Variants in C1orf185 observed in about 807,000 individuals in gnomAD.
C1orf185 encodes chromosome 1 open reading frame 185, also known as uncharacterized protein C1orf185.
Under a neutral mutation model 16.1 loss-of-function variants are expected in C1orf185, and 13 were observed. The observed-to-expected ratio is 0.81, with a 90% confidence interval of 0.53 to 1.28. C1orf185 has a LOEUF of 1.28. Ranked by LOEUF, C1orf185 falls within the 50% of genes most tolerant of loss-of-function variation. The pLI, the probability that C1orf185 is intolerant of heterozygous loss-of-function variation, is 0.00. For synonymous variants in C1orf185, 80 were observed against 76.9 expected (o/e 1.04, Z -0.21); for missense variants, 220 against 225.2 (o/e 0.98, Z 0.15).
chr1:51,139,974 G>A (rs1646353558), intron 3 of C1orf185, among the ~76,000 whole-genome samples: 1 of 152,174 alleles, frequency 6.6e-6, no homozygotes, highest in African/African-American at 2.4e-5. Context: ...GGCCCTTAAA[G>A]CTTCTATCTA....
chr1:51,121,237 T>C (rs1646195504), intron 3 of C1orf185, among the ~76,000 whole-genome samples: 1 of 152,126 alleles, frequency 6.6e-6, no homozygotes, highest in Non-Finnish European at 1.5e-5. Flanking sequence ...TTTTGTATCC[T>C]TTGACCAACA....
intron 1 of C1orf185, among the ~76,000 whole-genome samples, chr1:51,106,241 T>C (rs1646071258): frequency 2.6e-5 from 4 of 152,134 alleles, no homozygotes; most frequent in Admixed American, 2.6e-4. Flanking sequence ...TTTTCTAAGA[T>C]ATTCATGGTA....
downstream of C1orf185, among the ~76,000 whole-genome samples, chr1:51,150,782 G>T (rs1031640129): frequency 6.6e-6 from 1 of 152,132 alleles, no homozygotes; most frequent in Admixed American, 6.6e-5. Flanking sequence ...CATCATTTTT[G>T]ACATCCTTTT....
intron 3 of C1orf185, among the ~76,000 whole-genome samples, chr1:51,129,123 G>A (rs1441841359): frequency 1.3e-5 from 2 of 152,200 alleles, no homozygotes; most frequent in Non-Finnish European, 1.5e-5. Flanking sequence ...GACCTCAGGC[G>A]ATCCACCTGC....
intron 3 of C1orf185, among the ~76,000 whole-genome samples, chr1:51,127,742 G>C (rs1429975730): frequency 6.6e-6 from 1 of 152,132 alleles, no homozygotes; most frequent in East Asian, 1.9e-4. Flanking sequence ...CTATTGATAA[G>C]TGGTAGTCCA....
At chr1:51,116,958 C>T (rs1646162390) in intron 2 of C1orf185, among the ~76,000 whole-genome samples, 1 of 152,186 alleles carries the variant, frequency 6.6e-6, no homozygotes, top group Admixed American at 6.5e-5. Context: ...GGTTAATTCC[C>T]TTAGTTACAT....
Position 51,148,033 on chromosome 1 carries a change from CTT to C in C1orf185, c.*263_*264del, listed in dbSNP as rs887051559. 2.2e-5 allele frequency: 7 copies of C among 311,746 alleles called. No homozygotes were observed. Among genetic ancestry groups the C allele is most frequent in the African/African-American group, 1.5e-4 (7 of 46,818 alleles). The allele number at this position is 311,746 out of a possible 1,614,324, so 19.3% of individuals were successfully genotyped here. A position where few individuals can be genotyped will look rare whatever the true frequency, so the allele number is the denominator to read the frequency against. On this transcript the variant is annotated 3_prime_UTR_variant, in exon 5 of 5. Transcript: ENST00000371759. ...GTGATGTCATGAACATTAAGCTTAA[CTT>C]ATTGTATCTCATCCAAAGACATATT...
At chr1:51,133,521 A>G (rs1646300955) in intron 3 of C1orf185, among the ~76,000 whole-genome samples, 1 of 152,232 alleles carries the variant, frequency 6.6e-6, no homozygotes, top group Non-Finnish European at 1.5e-5. Context: ...CTAAATATCT[A>G]TGCACCCAAC....
At chr1:51,131,938 T>G (rs1646288627) in intron 3 of C1orf185, among the ~76,000 whole-genome samples, 1 of 152,058 alleles carries the variant, frequency 6.6e-6, no homozygotes, top group Non-Finnish European at 1.5e-5. Context: ...GAGAACAAAG[T>G]CAGGGCCCAG....
chr1:51,147,018 A>C (rs1456365281), intron 4 of C1orf185, among the ~76,000 whole-genome samples: 3 of 152,234 alleles, frequency 2.0e-5, no homozygotes, highest in Non-Finnish European at 4.4e-5. Context: ...TATATTACAA[A>C]TGTTTTTTGC....
chr1:51,126,354 C>T (rs1022895188), intron 3 of C1orf185, among the ~76,000 whole-genome samples: 8 of 152,102 alleles, frequency 5.3e-5, no homozygotes, highest in African/African-American at 1.9e-4. Context: ...ACCTTGAACT[C>T]CTGGACTCAA....
chr1:51,145,421 A>AT, intron 3 of C1orf185, among the ~76,000 whole-genome samples: 1 of 152,108 alleles, frequency 6.6e-6, no homozygotes, highest in Non-Finnish European at 1.5e-5. Context: ...AATTCTAATT[A>AT]TTTTTTAGCA....
At chr1:51,118,913 T>C in intron 3 of C1orf185, 112 bp downstream of exon 3, 1 of 864,700 alleles carries the variant, frequency 1.2e-6, no homozygotes, top group Non-Finnish European at 1.6e-6. Context: ...TATTTTTTAA[T>C]TTGAGGGACA....
At chr1:51,126,469 G>A (rs944158891) in intron 3 of C1orf185, among the ~76,000 whole-genome samples, 2 of 151,872 alleles carry the variant, frequency 1.3e-5, no homozygotes, top group East Asian at 1.9e-4. Flanking sequence ...CTGTGTTGCC[G>A]AGGCTAATCT....
At chr1:51,142,869 T>C (rs1646374276) in intron 3 of C1orf185, among the ~76,000 whole-genome samples, 1 of 152,152 alleles carries the variant, frequency 6.6e-6, no homozygotes, top group Non-Finnish European at 1.5e-5. Context: ...ACCTCCCAGA[T>C]TCTCATGCCT....
chr1:51,110,184 G>A (rs962208086), intron 1 of C1orf185, among the ~76,000 whole-genome samples: 3 of 152,138 alleles, frequency 2.0e-5, no homozygotes, highest in Non-Finnish European at 2.9e-5. Flanking sequence ...CATATGTAAA[G>A]TGCAGAAATC....
At chr1:51,130,584 C>T (rs1354391143) in intron 3 of C1orf185, among the ~76,000 whole-genome samples, 1 of 152,018 alleles carries the variant, frequency 6.6e-6, no homozygotes, top group East Asian at 1.9e-4. Flanking sequence ...TATATGTGTC[C>T]AATTTCATTC....
downstream of C1orf185, among the ~76,000 whole-genome samples, chr1:51,149,130 G>A (rs948237780): frequency 6.0e-5 from 9 of 150,932 alleles, no homozygotes; most frequent in Admixed American, 3.3e-4. Flanking sequence ...CACTCGCTAT[G>A]TAATCTTTTC....
intron 2 of C1orf185, among the ~76,000 whole-genome samples, chr1:51,113,233 T>C (rs1646135973): frequency 6.6e-6 from 1 of 152,046 alleles, no homozygotes; most frequent in African/African-American, 2.4e-5. Flanking sequence ...AACTTTTTCT[T>C]TAGGAGATAT....
Sources: allele counts gnomAD v4.1 joint callset (sites outside exome capture counted in the v4.1 genomes callset), GRCh38; gene constraint gnomAD v4.1.1; transcripts MANE v1.5; gene names NCBI Gene and HGNC (gene_info 2026-07-23, HGNC 2026-07-21).